ZDHHC11: variants seen among roughly 807,000 people sequenced by gnomAD.
ZDHHC11 encodes palmitoyltransferase ZDHHC11.
In ZDHHC11, 44 loss-of-function variants were observed where a neutral mutation model predicts 51.3. The ratio of observed to expected loss-of-function variants is 0.86; its 90% CI spans 0.67 to 1.10. The LOEUF is 1.10. Ranked by LOEUF, ZDHHC11 falls within the 50% of genes least tolerant of loss-of-function variation. ZDHHC11 has a pLI of 0.00. For missense variants in ZDHHC11, 400 were observed against 537.7 expected, an observed-to-expected ratio of 0.74 and a Z score of 2.53; for synonymous variants, 163 against 222.0, an observed-to-expected ratio of 0.73 and a Z score of 2.36.
chr5:820,702 A>G (rs903284417), intron 9 of ZDHHC11, among the ~76,000 whole-genome samples: 1 of 151,358 alleles, frequency 6.6e-6, no homozygotes, highest in African/African-American at 2.4e-5. Flanking sequence ...TAACTAATGT[A>G]ACTGGAACTT....
At chr5:841,949 C>A in intron 4 of ZDHHC11, 1 of 989,728 alleles carries the variant, frequency 1.0e-6, no homozygotes, top group African/African-American at 1.7e-5. Context: ...CTCAGCCTGA[C>A]AGGACCGCAG....
intron 11 of ZDHHC11, among the ~76,000 whole-genome samples, chr5:805,010 TA>T (rs1285316983): frequency 1.3e-5 from 2 of 151,450 alleles, no homozygotes; most frequent in Admixed American, 6.6e-5. Flanking sequence ...CTATATAATT[TA>T]AAAGTCAAAT....
At position 850,511 on chromosome 5, in the gene ZDHHC11, ACT is replaced by A; in HGVS notation, c.90_91del (p.Arg30SerfsTer116). 6.2e-7 allele frequency: 1 copy of A among 1,613,730 alleles called. No homozygotes were observed. The highest frequency in any genetic ancestry group is 8.5e-7 in the Non-Finnish European group (1 of 1,180,022). ...GTGCAGGGGTAACGACCAGCCGTTC[ACT>A]CTGGAGATGCGGGGCGGCAAGACCA... On this transcript the variant is annotated frameshift_variant, in exon 1 of 13. Coordinates refer to ENST00000283441, the MANE Select transcript of ZDHHC11 (RefSeq NM_024786.3). LOFTEE classifies it high-confidence loss of function.
intron 11 of ZDHHC11, among the ~76,000 whole-genome samples, chr5:812,834 A>C (rs1309597684): frequency 6.6e-6 from 1 of 151,242 alleles, no homozygotes; most frequent in Non-Finnish European, 1.5e-5. Context: ...GCACATCATG[A>C]GAGGGTGAAT....
At chr5:850,157 T>G in intron 1 of ZDHHC11, 2 of 575,708 alleles carry the variant, frequency 3.5e-6, no homozygotes, top group Non-Finnish European at 6.1e-6. Context: ...AGATTCCCTC[T>G]CCGGAGCCCC....
intron 11 of ZDHHC11, 139 bp downstream of exon 11, chr5:814,622 T>C (rs922063216): frequency 1.0e-6 from 1 of 980,184 alleles, no homozygotes; most frequent in East Asian, 2.9e-5. Context: ...GCTATAAATG[T>C]TCAGAGAAAC....
upstream of ZDHHC11, among the ~76,000 whole-genome samples, chr5:852,064 A>AG (rs1747307013): frequency 6.6e-6 from 1 of 151,776 alleles, no homozygotes; most frequent in Admixed American, 6.6e-5. Context: ...TCAAAAAAAA[A>AG]AAAAAGAAAG....
intron 12 of ZDHHC11, among the ~76,000 whole-genome samples, chr5:800,050 A>G (rs966735127): frequency 1.3e-5 from 2 of 151,088 alleles, no homozygotes; most frequent in African/African-American, 2.4e-5. Flanking sequence ...GTTCTGCAAA[A>G]TTTTCACAGG....
In ZDHHC11 at chr5:807,290, G is replaced by C. The variant is rs116750517; in HGVS notation, c.1182-6126C>G. On this transcript the variant is annotated intron_variant, in intron 11 of 12. Transcript: ENST00000283441. ...TGAAAAAGTATCCAATGTATTGCAC[G>C]TATGTATGTACTCTTTAGGAATATA... Among the ~76,000 whole-genome samples, 768 of 150,710 alleles carry C rather than the reference G, an allele frequency of 5.1e-3. 21 individuals are homozygous for C. The highest frequency in any genetic ancestry group is 0.018 in the African/African-American group (731 of 41,044).
At chr5:851,424 T>C (rs917337482), upstream of ZDHHC11, among the ~76,000 whole-genome samples, 1 of 151,770 alleles carries the variant, frequency 6.6e-6, no homozygotes, top group Non-Finnish European at 1.5e-5. Context: ...GGGTTGATCT[T>C]GAGGGGCTGG....
intron 5 of ZDHHC11, chr5:840,234 C>T: frequency 2.8e-6 from 2 of 715,336 alleles, no homozygotes; most frequent in Non-Finnish European, 5.0e-6. Flanking sequence ...ACCACTCCTG[C>T]AGGTCTCGGC....
At chr5:823,795 G>T (rs1023237281) in intron 8 of ZDHHC11, 3 of 306,144 alleles carry the variant, frequency 9.8e-6, no homozygotes, top group Non-Finnish European at 2.0e-5. Context: ...ACACTGAGGG[G>T]ACTCACAAAT....
chr5:845,953 A>AGG (rs1746087546), intron 3 of ZDHHC11, among the ~76,000 whole-genome samples: 1 of 148,640 alleles, frequency 6.7e-6, no homozygotes, highest in African/African-American at 2.6e-5. Context: ...GTGGGCCCTC[A>AGG]CCCCCTCACC....
intron 5 of ZDHHC11, chr5:839,619 C>G (rs1468596332): frequency 1.3e-5 from 2 of 149,580 alleles, no homozygotes; most frequent in African/African-American, 2.5e-5. Flanking sequence ...TGGTTATGAA[C>G]AAGGAGGCTC....
At chr5:841,871 T>A (rs1745034112) in intron 4 of ZDHHC11, 4 of 988,772 alleles carry the variant, frequency 4.0e-6, no homozygotes, top group South Asian at 4.5e-5. Context: ...TCAGCATGGA[T>A]GTCTTTCGGT....
intron 10 of ZDHHC11, among the ~76,000 whole-genome samples, chr5:817,217 A>G (rs1740924330): frequency 6.6e-6 from 1 of 151,588 alleles, no homozygotes; most frequent in South Asian, 2.1e-4. Flanking sequence ...GCATTATTTT[A>G]ATTTGCTTTT....
At chr5:856,077 T>C (rs1055724781) in intron 1 of ZDHHC11, among the ~76,000 whole-genome samples, 1 of 152,032 alleles carries the variant, frequency 6.6e-6, no homozygotes, top group African/African-American at 2.4e-5. Context: ...GGACAGCTCC[T>C]TCCCCTCAGG....
intron 5 of ZDHHC11, among the ~76,000 whole-genome samples, chr5:838,631 C>T (rs1731380841): frequency 6.6e-6 from 1 of 152,182 alleles, no homozygotes; most frequent in Non-Finnish European, 1.5e-5. Flanking sequence ...GGGCGTCCTG[C>T]CTCCCGCCCA....
chr5:813,817 G>C (rs1011979148), intron 11 of ZDHHC11, among the ~76,000 whole-genome samples: 1 of 148,194 alleles, frequency 6.7e-6, no homozygotes, highest in African/African-American at 2.6e-5. Context: ...TGGGGACTGA[G>C]ATGTGAGGTG....
Sources: allele counts gnomAD v4.1 joint callset (sites outside exome capture counted in the v4.1 genomes callset), GRCh38; gene constraint gnomAD v4.1.1; transcripts MANE v1.5; gene names NCBI Gene and HGNC (gene_info 2026-07-23, HGNC 2026-07-21).